Variants in DOCK1 observed in about 807,000 individuals in gnomAD.
DOCK1 encodes the protein dedicator of cytokinesis protein 1.
In DOCK1, 138 loss-of-function variants were observed where a neutral mutation model predicts 262.7. That is an observed-to-expected ratio of 0.53 (90% CI 0.46 to 0.61). The LOEUF (loss-of-function observed/expected upper bound fraction) is 0.61, where lower values mean the gene tolerates loss of function less well. DOCK1 is among the 20% of genes least tolerant of loss of function. The probability of loss-of-function intolerance (pLI) is 0.00; values close to 1 mark genes in which losing one functional copy is unlikely to be tolerated. For synonymous variants in DOCK1, 866 were observed against 867.4 expected, an observed-to-expected ratio of 1.00 and a Z score of 0.03; for missense variants, 1,908 against 2,370.7, an observed-to-expected ratio of 0.80 and a Z score of 4.05.
chr10:127,179,649 G>A (rs1564876725), intron 27 of DOCK1, among the ~76,000 whole-genome samples: 1 of 152,146 alleles, frequency 6.6e-6, no homozygotes. Flanking sequence ...GGGGTGGAGG[G>A]TAAGGCTTAC....
intron 1 of DOCK1, among the ~76,000 whole-genome samples, chr10:126,948,643 C>T (rs887116383): frequency 1.3e-5 from 2 of 151,910 alleles, no homozygotes; most frequent in African/African-American, 4.8e-5. Context: ...TGTGGGGTTG[C>T]AGGGTCAGGT....
intron 23 of DOCK1, among the ~76,000 whole-genome samples, chr10:127,065,019 CT>C (rs993131990): frequency 6.6e-6 from 1 of 151,734 alleles, no homozygotes; most frequent in Non-Finnish European, 1.5e-5. Context: ...GGCTTTTTTT[CT>C]TTTTTTTGAG....
chr10:127,049,545 G>T (rs1271116372), intron 21 of DOCK1, among the ~76,000 whole-genome samples: 1 of 151,732 alleles, frequency 6.6e-6, no homozygotes, highest in Non-Finnish European at 1.5e-5. Context: ...AAAATAATGA[G>T]GGATAAATTT....
intron 51 of DOCK1, among the ~76,000 whole-genome samples, chr10:127,451,044 G>A (rs937560960): frequency 2.0e-5 from 3 of 152,112 alleles, no homozygotes; most frequent in African/African-American, 4.8e-5. Context: ...TAACTTGGTC[G>A]ATAGCATCTA....
Position 127,222,141 on chromosome 10 carries a change from C to T in DOCK1, c.2848-25867C>T, listed in dbSNP as rs183401259. Among the ~76,000 whole-genome samples, 941 of 152,286 alleles carry T rather than the reference C, an allele frequency of 6.2e-3. 12 individuals carry two copies. The highest frequency in any genetic ancestry group is 0.021 in the African/African-American group (879 of 41,548). ...TTTTTGTCCCTGTAGTCTTTAAAGG[C>T]TCACATGTGGGGAGGACAGTGGCTG... On this transcript the variant is annotated intron_variant, in intron 27 of 51. Coordinates refer to ENST00000623213, the MANE Select transcript of DOCK1 (RefSeq NM_001290223.2).
chr10:127,388,000 G>T (rs1480362046), intron 38 of DOCK1, among the ~76,000 whole-genome samples: 1 of 152,146 alleles, frequency 6.6e-6, no homozygotes, highest in African/African-American at 2.4e-5. Context: ...GGCATTGTGG[G>T]TTCTCCTGAC....
intron 27 of DOCK1, among the ~76,000 whole-genome samples, chr10:127,190,785 C>T (rs1351616788): frequency 2.0e-5 from 3 of 149,638 alleles, no homozygotes. Flanking sequence ...TGCCACATTA[C>T]AAAGACTTGT....
At chr10:127,125,339 C>T (rs1592121741) in intron 25 of DOCK1, 135 bp from the exon 26 acceptor site, 1 of 1,196,560 alleles carries the variant, frequency 8.4e-7, no homozygotes, top group African/African-American at 1.5e-5. Context: ...AAGTAATTGA[C>T]CCCCCTCCAG....
chr10:127,419,764 A>G lies in DOCK1; in HGVS notation c.4776+15A>G, dbSNP rs2068386592. 3 of 1,579,540 alleles carry G rather than the reference A, an allele frequency of 1.9e-6. No homozygotes were observed. Among genetic ancestry groups the G allele is most frequent in the African/African-American group, 1.3e-5 (1 of 74,160 alleles). On this transcript the variant is annotated intron_variant, in intron 46 of 51. Transcript: ENST00000623213. ...TTGCTTGGCAGGTAAAGTGTCCAGC[A>G]AGAGTCCTGCATGGCTGGAGGGAAG...
At chr10:127,172,059 T>C (rs1198300049) in intron 27 of DOCK1, among the ~76,000 whole-genome samples, 1 of 152,244 alleles carries the variant, frequency 6.6e-6, no homozygotes, top group African/African-American at 2.4e-5. Flanking sequence ...ATATAATAAC[T>C]ATGTATCAGT....
intron 33 of DOCK1, among the ~76,000 whole-genome samples, chr10:127,370,401 C>A (rs2065143889): frequency 6.6e-6 from 1 of 152,166 alleles, no homozygotes; most frequent in Non-Finnish European, 1.5e-5. Flanking sequence ...CCTGGCCCAG[C>A]CTCCTGCTGC....
chr10:127,297,465 G>A (rs867320495), intron 29 of DOCK1, among the ~76,000 whole-genome samples: 29 of 152,144 alleles, frequency 1.9e-4, no homozygotes, highest in African/African-American at 6.3e-4. Flanking sequence ...TGGAGGGAGG[G>A]AGAAAAGAGA....
At chr10:127,194,335 C>T (rs2056951402) in intron 27 of DOCK1, among the ~76,000 whole-genome samples, 1 of 152,186 alleles carries the variant, frequency 6.6e-6, no homozygotes, top group African/African-American at 2.4e-5. Flanking sequence ...TGATTAATAT[C>T]TGGTGAGGCA....
chr10:127,030,189 C>G (rs1001504691), intron 16 of DOCK1, among the ~76,000 whole-genome samples: 2 of 152,186 alleles, frequency 1.3e-5, no homozygotes, highest in Non-Finnish European at 1.5e-5. Flanking sequence ...TTCTCCCTCT[C>G]TGATCTCTGT....
chr10:127,097,005 T>G (rs1180434389), intron 23 of DOCK1, among the ~76,000 whole-genome samples: 2 of 152,084 alleles, frequency 1.3e-5, no homozygotes, highest in African/African-American at 2.4e-5. Context: ...CTCAGGAGGC[T>G]GAGACAGGAG....
intron 23 of DOCK1, among the ~76,000 whole-genome samples, chr10:127,074,380 A>G (rs141547847): frequency 1.6e-4 from 25 of 152,300 alleles, no homozygotes; most frequent in Non-Finnish European, 2.9e-4. Context: ...TGCTTTTTTC[A>G]TGACATCACT....
intron 19 of DOCK1, among the ~76,000 whole-genome samples, chr10:127,040,059 ATGTCATG>A (rs1392784648): frequency 3.3e-5 from 5 of 151,920 alleles, no homozygotes; most frequent in Non-Finnish European, 7.4e-5. Context: ...GCCACTGACC[ATGTCATG>A]TGTCTGGGTG....
At chr10:127,165,251 G>C (rs1337560998) in intron 27 of DOCK1, among the ~76,000 whole-genome samples, 1 of 152,186 alleles carries the variant, frequency 6.6e-6, no homozygotes, top group African/African-American at 2.4e-5. Context: ...ATCAAGCTTA[G>C]TTAGCAATTT....
intron 51 of DOCK1, among the ~76,000 whole-genome samples, chr10:127,449,235 G>C (rs1299261631): frequency 2.0e-5 from 3 of 152,226 alleles, no homozygotes; most frequent in Non-Finnish European, 2.9e-5. Context: ...ATTCGGGGGG[G>C]TCTAACAAGA....
Sources: allele counts gnomAD v4.1 joint callset (sites outside exome capture counted in the v4.1 genomes callset), GRCh38; gene constraint gnomAD v4.1.1; transcripts MANE v1.5; gene names NCBI Gene and HGNC (gene_info 2026-07-23, HGNC 2026-07-21).